PCSK1: variants seen among roughly 807,000 people sequenced by gnomAD.
PCSK1 encodes proprotein convertase subtilisin/kexin type 1, also known as neuroendocrine convertase 1.
A neutral mutation model predicts 90.6 loss-of-function variants in PCSK1; 56 were observed. The ratio of observed to expected loss-of-function variants is 0.62; its 90% CI spans 0.50 to 0.77. The LOEUF (loss-of-function observed/expected upper bound fraction) is 0.77, where lower values mean the gene tolerates loss of function less well. Ranked by LOEUF, PCSK1 falls within the 30% of genes least tolerant of loss-of-function variation. The pLI, the probability that PCSK1 is intolerant of heterozygous loss-of-function variation, is 0.00. For synonymous variants in PCSK1, 348 were observed against 342.4 expected, an observed-to-expected ratio of 1.02 and a Z score of -0.18; for missense variants, 801 against 932.6, an observed-to-expected ratio of 0.86 and a Z score of 1.84.
chr5:96,416,147 A>G, intron 5 of PCSK1, 26 bp from the exon 6 acceptor site: 2 of 1,462,524 alleles, frequency 1.4e-6, no homozygotes, highest in Non-Finnish European at 9.6e-7. Context: ...TAAGAATTAT[A>G]AAACATACAG....
chr5:96,416,914 CT>C (rs1760954396), intron 5 of PCSK1, among the ~76,000 whole-genome samples: 1 of 152,190 alleles, frequency 6.6e-6, no homozygotes, highest in Non-Finnish European at 1.5e-5. Flanking sequence ...TGATAATTGT[CT>C]TTTCCCACCA....
chr5:96,425,921 C>T lies in PCSK1; in HGVS notation c.295G>A (p.Ala99Thr). The change falls in exon 3 of 14, where the codon GCT becomes ACT. Residue 99 changes from alanine to threonine, a missense_variant. Coordinates refer to ENST00000311106, the MANE Select transcript of PCSK1 (RefSeq NM_000439.5). ...RLSDDDRVIW[A>T]EQQYEKERSK... ...CTTTCTTTTTCATACTGTTGTTCAG[C>T]CCATATCACCTACAAGGATTTTTAT... 1 of 1,599,484 alleles carries T rather than the reference C, an allele frequency of 6.3e-7. No homozygotes were observed. The highest frequency in any genetic ancestry group is 1.1e-5 in the South Asian group (1 of 90,800).
intron 9 of PCSK1, among the ~76,000 whole-genome samples, chr5:96,405,561 C>T (rs1185662129): frequency 6.6e-6 from 1 of 152,160 alleles, no homozygotes; most frequent in Non-Finnish European, 1.5e-5. Context: ...ATCCCAGCTA[C>T]TCAGGAGGCT....
At chr5:96,397,563 A>T (rs1760202136) in intron 11 of PCSK1, 94 bp from the exon 12 acceptor site, 1 of 1,181,710 alleles carries the variant, frequency 8.5e-7, no homozygotes, top group Non-Finnish European at 1.3e-6. Flanking sequence ...GCTGAAAAAG[A>T]TGAGTTCTCC....
intron 6 of PCSK1, 130 bp downstream of exon 6, chr5:96,415,903 T>C (rs573445418): frequency 2.9e-6 from 2 of 699,016 alleles, no homozygotes; most frequent in Admixed American, 2.0e-5. Context: ...TCAAGTCCTG[T>C]AGCAACTTTG....
Position 96,429,243 on chromosome 5 carries a change from A to G in PCSK1, c.255T>C (p.His85=), listed in dbSNP as rs1402845665. ...HPRRSRRSAF[H]ITKRLSDDDR... The stretch of plus-strand genomic sequence containing the variant: ...CATCATCAGATAATCTCTTAGTGAT[A>G]TGAAAGGCACTCCTTCGAGACCTTC... Residue 85 remains histidine (H), a synonymous_variant, in exon 2 of 14, where the codon CAT becomes CAC. Transcript: ENST00000311106. 1.3e-6 allele frequency: 2 copies of G among 1,594,476 alleles called. No individual in the cohort carries two copies. Among genetic ancestry groups the G allele is most frequent in the African/African-American group, 2.7e-5 (2 of 74,610 alleles).
intron 8 of PCSK1, 66 bp from the exon 9 acceptor site, chr5:96,408,389 G>T: frequency 8.8e-7 from 1 of 1,136,454 alleles, no homozygotes; most frequent in Non-Finnish European, 1.3e-6. Context: ...CTGTCTTGGG[G>T]GTTAACTGTA....
In PCSK1 at chr5:96,433,035, C is replaced by A. The variant is rs767413349; in HGVS notation, c.8G>T (p.Arg3Leu). Reference sequence around the variant, plus strand: ...AGTGCACTGCAGACTCCAGGCTCTTCGCTCCATAGCTCACACACTCGCTTG... The same window carrying A: ...AGTGCACTGCAGACTCCAGGCTCTTAGCTCCATAGCTCACACACTCGCTTG... MERRAWSLQCTAF... is the reference protein window; with the variant it reads MELRAWSLQCTAF... Residue 3 changes from arginine to leucine, a missense_variant, in exon 1 of 14, where the codon CGA becomes CTA. Physicochemically the swap from Arg to Leu is moderately radical, Grantham distance 102. Coordinates refer to ENST00000311106, the MANE Select transcript of PCSK1 (RefSeq NM_000439.5). 2 of 1,613,958 alleles carry A rather than the reference C, an allele frequency of 1.2e-6. No homozygotes were observed. Among genetic ancestry groups the A allele is most frequent in the Admixed American group, 3.3e-5 (2 of 60,030 alleles).
At chr5:96,429,476 A>T (rs139108793) in intron 1 of PCSK1, among the ~76,000 whole-genome samples, 159 bp from the exon 2 acceptor site, 6 of 152,156 alleles carry the variant, frequency 3.9e-5, no homozygotes, top group Non-Finnish European at 5.9e-5. Flanking sequence ...TTTTAAGTTC[A>T]GCAGTACAAG....
chr5:96,431,051 T>A (rs1340111288), intron 1 of PCSK1, among the ~76,000 whole-genome samples: 1 of 152,198 alleles, frequency 6.6e-6, no homozygotes, highest in South Asian at 2.1e-4. Context: ...CGGTTACCAG[T>A]GCTATTTAGC....
intron 3 of PCSK1, among the ~76,000 whole-genome samples, chr5:96,425,009 AAAGAAAGAAAG>A (rs1761244841): frequency 1.2e-4 from 1 of 8,632 alleles, no homozygotes. Flanking sequence ...GAAAGAAAGA[AAAGAAAGAAAG>A]AAAGAAAGAA....
rs1415984619 is a variant in PCSK1 at position 96,412,758 on chromosome 5, T to TTTTG, written c.710-269_710-268insCAAA. Reference sequence around the variant, plus strand: ...CTGTGTAGGCAGCTGTGATGTTTTTTTTTTTTTTTTTTTTTTTGGTCCCAC... The same window carrying TTTTG: ...CTGTGTAGGCAGCTGTGATGTTTTTTTTTGTTTTTTTTTTTTTTTTTGGTCCCAC... On this transcript the variant is annotated intron_variant, in intron 6 of 13. Transcript: ENST00000311106. Among the ~76,000 whole-genome samples the TTTTG allele has an allele frequency of 7.7e-5, 11 of 143,280 alleles. 1 individual carries two copies. Among genetic ancestry groups the TTTTG allele is most frequent in the African/African-American group, 3.1e-4 (11 of 35,574 alleles). 94.0% of individuals were successfully genotyped at this position (143,280 alleles called of 152,430 possible).
intron 8 of PCSK1, among the ~76,000 whole-genome samples, chr5:96,410,209 CG>C (rs1243667035): frequency 1.1e-4 from 16 of 152,082 alleles, no homozygotes; most frequent in African/African-American, 3.9e-4. Context: ...CGCAGGCAAG[CG>C]TGGGCTGGAG....
intron 5 of PCSK1, among the ~76,000 whole-genome samples, chr5:96,417,673 C>T (rs1760979235): frequency 6.6e-6 from 1 of 152,078 alleles, no homozygotes; most frequent in South Asian, 2.1e-4. Context: ...GATCTTGAAA[C>T]ATCAGAAACT....
intron 2 of PCSK1, among the ~76,000 whole-genome samples, chr5:96,426,529 A>C (rs1261504803): frequency 1.3e-5 from 2 of 152,194 alleles, no homozygotes; most frequent in African/African-American, 4.8e-5. Context: ...GACCACGCAC[A>C]CTTACCATTA....
chr5:96,427,900 G>C (rs1417815956), intron 2 of PCSK1, among the ~76,000 whole-genome samples: 1 of 152,162 alleles, frequency 6.6e-6, no homozygotes, highest in African/African-American at 2.4e-5. Flanking sequence ...CCCTTGAAGT[G>C]AGTAAGGGAA....
rs753890297 is a variant in PCSK1 at position 96,399,964 on chromosome 5, G to A, written c.1419C>T (p.Asp473=). The A allele has an allele frequency of 3.1e-6, 5 of 1,612,740 alleles. No individual in the cohort carries two copies. The highest frequency in any genetic ancestry group is 1.7e-5 in the Admixed American group (1 of 60,006). The change falls in exon 10 of 14, where the codon GAC becomes GAT. Residue 473 remains aspartate (D), a synonymous_variant. Transcript: ENST00000311106. ...EKKECVVKDN[D]FEPRALKANG... is the part of the protein sequence containing the mutation. ...CAGGAGATACTTACCTGGGCTCAAA[G>A]TCATTGTCCTTTACAACACACTCTT... is the stretch of plus-strand genomic sequence containing the variant.
At chr5:96,405,077 C>G (rs1760510452) in intron 9 of PCSK1, among the ~76,000 whole-genome samples, 2 of 152,222 alleles carry the variant, frequency 1.3e-5, no homozygotes, top group South Asian at 4.2e-4. Flanking sequence ...TGGCATTCAG[C>G]TTTGGTATAG....
In PCSK1 at chr5:96,432,860, T is replaced by C. The variant is rs1383335943; in HGVS notation, c.180+3A>G. On this transcript the variant is annotated splice_donor_region_variant and intron_variant, in intron 1 of 13. Coordinates refer to ENST00000311106, the MANE Select transcript of PCSK1 (RefSeq NM_000439.5). ...AAAGTTTCTTGAAAGTGGAAACTCT[T>C]ACCTGACCCAAAAGGTCATAGCCCA... The C allele has an allele frequency of 6.2e-7, 1 of 1,612,872 alleles. No individual in the cohort carries two copies. Among genetic ancestry groups the C allele is most frequent in the East Asian group, 2.2e-5 (1 of 44,850 alleles).
Sources: allele counts gnomAD v4.1 joint callset (sites outside exome capture counted in the v4.1 genomes callset), GRCh38; gene constraint gnomAD v4.1.1; transcripts MANE v1.5; gene names NCBI Gene and HGNC (gene_info 2026-07-23, HGNC 2026-07-21).